ARHGEF4: variants seen among roughly 807,000 people sequenced by gnomAD.
The protein encoded by ARHGEF4 is Rho guanine nucleotide exchange factor 4.
ARHGEF4 carries 119 observed loss-of-function variants against 162.0 expected under a neutral mutation model. The observed-to-expected ratio is 0.73, with a 90% CI of 0.63 to 0.86. The LOEUF (loss-of-function observed/expected upper bound fraction) is 0.86, where lower values mean the gene tolerates loss of function less well. Ranked by LOEUF, ARHGEF4 falls within the 40% of genes least tolerant of loss-of-function variation. ARHGEF4 has a pLI of 0.00. For synonymous variants in ARHGEF4, 1,014 were observed against 979.9 expected (o/e 1.03, Z -0.65); for missense variants, 2,488 against 2,456.0 (o/e 1.01, Z -0.28).
rs1016842751 is a variant in ARHGEF4 at position 131,043,363 on chromosome 2, G to T, written c.5026-89G>T. On this transcript the variant is annotated intron_variant, in intron 10 of 13. Transcript: ENST00000409359. ...TGGGCGCTGCAGGCAAGGCCAGGGG[G>T]AGGTGCGCCACCCACCCATGATGGG... The T allele has an allele frequency of 2.6e-6, 4 of 1,561,972 alleles. No individual in the cohort carries two copies. The African/African-American group carries it at 5.4e-5, about 21-fold the overall frequency.
chr2:130,884,857 G>A (rs1679413770), intron 1 of ARHGEF4, among the ~76,000 whole-genome samples: 2 of 152,068 alleles, frequency 1.3e-5, no homozygotes, highest in African/African-American at 4.8e-5. Flanking sequence ...ATGATTACAA[G>A]CTGAGGACTC....
At chr2:131,001,818 G>T (rs72860142) in intron 4 of ARHGEF4, among the ~76,000 whole-genome samples, 27,100 of 152,050 alleles carry the variant, frequency 0.18, 2,773 homozygotes, top group African/African-American at 0.28. Flanking sequence ...TACACCTTAG[G>T]ATATGTGCAT....
chr2:131,035,385 C>A, intron 5 of ARHGEF4: 1 of 928,856 alleles, frequency 1.1e-6, no homozygotes, highest in Non-Finnish European at 1.4e-6. Context: ...GTGCTCACTA[C>A]CAGGGCCTGG....
chr2:130,898,732 G>A (rs76084593), intron 1 of ARHGEF4, among the ~76,000 whole-genome samples: 2,103 of 152,226 alleles, frequency 0.014, 49 homozygotes, highest in African/African-American at 0.048. Context: ...CAGATGAGAA[G>A]GCAGACTAAG....
intron 4 of ARHGEF4, among the ~76,000 whole-genome samples, chr2:131,025,343 C>T (rs1689411976): frequency 1.3e-5 from 2 of 152,340 alleles, no homozygotes; most frequent in South Asian, 4.1e-4. Flanking sequence ...ATCCAATCAC[C>T]TTCCACCAGG....
intron 2 of ARHGEF4, among the ~76,000 whole-genome samples, chr2:130,925,794 T>A (rs906698376): frequency 1.3e-5 from 2 of 152,194 alleles, no homozygotes; most frequent in African/African-American, 4.8e-5. Context: ...TTCTTCTTCA[T>A]GTGGATTTCT....
At chr2:130,961,198 C>T (rs887629993) in intron 4 of ARHGEF4, among the ~76,000 whole-genome samples, 1 of 152,222 alleles carries the variant, frequency 6.6e-6, no homozygotes, top group South Asian at 2.1e-4. Flanking sequence ...GCAGCAGGTG[C>T]GCTGTACTCC....
chr2:130,951,582 CT>C (rs1280278213), intron 4 of ARHGEF4, among the ~76,000 whole-genome samples: 6 of 152,132 alleles, frequency 3.9e-5, no homozygotes, highest in African/African-American at 1.4e-4. Flanking sequence ...CTTGTTTTCC[CT>C]GTCTCATCTT....
intron 6 of ARHGEF4, 70 bp from the exon 7 acceptor site, chr2:131,039,946 G>C: frequency 6.6e-7 from 1 of 1,516,922 alleles, no homozygotes; most frequent in Non-Finnish European, 8.8e-7. Flanking sequence ...GGTTCCCGCC[G>C]CTGCGGCGCA....
At chr2:130,890,626 T>C (rs566921769) in intron 1 of ARHGEF4, among the ~76,000 whole-genome samples, 1 of 152,268 alleles carries the variant, frequency 6.6e-6, no homozygotes, top group South Asian at 2.1e-4. Flanking sequence ...TCTTTTAACC[T>C]ATCTTATAAT....
At chr2:130,892,728 A>C (rs2104992720) in intron 1 of ARHGEF4, among the ~76,000 whole-genome samples, 1 of 152,086 alleles carries the variant, frequency 6.6e-6, no homozygotes, top group South Asian at 2.1e-4. Context: ...GCCCCCAGCA[A>C]ACCACACACA....
chr2:130,958,503 C>G (rs566331597), intron 4 of ARHGEF4, among the ~76,000 whole-genome samples: 4 of 151,740 alleles, frequency 2.6e-5, no homozygotes, highest in East Asian at 1.9e-4. Context: ...TCCGCCCCCC[C>G]GATCCGAGCG....
intron 4 of ARHGEF4, among the ~76,000 whole-genome samples, chr2:131,025,319 A>G (rs761064000): frequency 4.6e-5 from 7 of 152,190 alleles, no homozygotes; most frequent in East Asian, 3.8e-4. Context: ...GCAAGGGGGA[A>G]ATCCGCCCCC....
At chr2:130,996,263 A>T (rs981886997) in intron 4 of ARHGEF4, among the ~76,000 whole-genome samples, 1 of 152,036 alleles carries the variant, frequency 6.6e-6, no homozygotes, top group Non-Finnish European at 1.5e-5. Flanking sequence ...AGCCCTGCAC[A>T]CTCGGCTTAC....
chr2:130,911,827 T>G (rs1681209134), intron 1 of ARHGEF4, among the ~76,000 whole-genome samples: 1 of 152,212 alleles, frequency 6.6e-6, no homozygotes, highest in Non-Finnish European at 1.5e-5. Context: ...GCAGCGATGC[T>G]GGGCAGGGAG....
chr2:131,006,420 C>T (rs1688116736), intron 4 of ARHGEF4, among the ~76,000 whole-genome samples: 1 of 152,196 alleles, frequency 6.6e-6, no homozygotes, highest in Non-Finnish European at 1.5e-5. Context: ...ATACATGCAT[C>T]CCTGCCCGTG....
intron 1 of ARHGEF4, among the ~76,000 whole-genome samples, chr2:130,877,897 T>C (rs1408912429): frequency 4.6e-5 from 7 of 152,192 alleles, no homozygotes; most frequent in African/African-American, 1.7e-4. Flanking sequence ...AACCAGTGTA[T>C]CACCAGTTCC....
intron 4 of ARHGEF4, among the ~76,000 whole-genome samples, chr2:130,972,847 C>T (rs1390616049): frequency 1.3e-5 from 2 of 151,410 alleles, no homozygotes; most frequent in African/African-American, 2.5e-5. Context: ...AATCAATAAA[C>T]AAATATGAGA....
intron 4 of ARHGEF4, among the ~76,000 whole-genome samples, chr2:131,027,023 G>A (rs779229062): frequency 3.3e-5 from 5 of 152,166 alleles, no homozygotes; most frequent in Admixed American, 1.3e-4. Flanking sequence ...GGAAAACAAC[G>A]TGCTCCTTAG....
Sources: gnomAD v4.1 joint callset for allele counts (sites outside exome capture counted in the v4.1 genomes callset) on GRCh38, gnomAD v4.1.1 for gene constraint, MANE v1.5 for transcripts, NCBI Gene and HGNC (gene_info 2026-07-23, HGNC 2026-07-21) for gene names.